The following CLDN16 variants were observed in gnomAD, a reference collection of about 807,000 sequenced individuals.
The protein encoded by CLDN16 is claudin-16.
CLDN16 carries 13 observed loss-of-function variants against 24.6 expected under a neutral mutation model. That is an observed-to-expected ratio of 0.53 (90% confidence interval 0.34 to 0.84). CLDN16 has a LOEUF of 0.84. CLDN16 is among the 40% of genes least tolerant of loss of function. The pLI is 0.01. For missense variants in CLDN16, 298 were observed against 292.7 expected, an observed-to-expected ratio of 1.02 and a Z score of -0.13; for synonymous variants, 116 against 106.7, an observed-to-expected ratio of 1.09 and a Z score of -0.54.
At chr3:190,371,729 GT>G (rs1395396540) in intron 2 of CLDN16, among the ~76,000 whole-genome samples, 1 of 151,986 alleles carries the variant, frequency 6.6e-6, no homozygotes, top group African/African-American at 2.4e-5. Flanking sequence ...TGTTGAAGCA[GT>G]TCATTAATAA....
At chr3:190,290,651 T>G in the CLDN16 span, among the ~76,000 whole-genome samples, 1 of 152,164 alleles carries the variant, frequency 6.6e-6, no homozygotes, top group South Asian at 2.1e-4. Flanking sequence ...TAGCAATGAG[T>G]ATCTTAAAAT....
the CLDN16 span, among the ~76,000 whole-genome samples, chr3:190,294,038 GAA>G: frequency 6.6e-6 from 1 of 152,216 alleles, no homozygotes; most frequent in East Asian, 1.9e-4. Flanking sequence ...AGTTTTGGTT[GAA>G]AAGTCTTGAC....
intron 2 of CLDN16, among the ~76,000 whole-genome samples, chr3:190,403,188 T>C (rs535459789): frequency 6.6e-6 from 1 of 151,948 alleles, no homozygotes; most frequent in Admixed American, 6.6e-5. Context: ...AAAAGTTAGC[T>C]CATCATGGTG....
At chr3:190,406,836 G>T (rs559928002) in intron 3 of CLDN16, among the ~76,000 whole-genome samples, 7 of 150,932 alleles carry the variant, frequency 4.6e-5, no homozygotes, top group African/African-American at 1.5e-4. Flanking sequence ...CCACCTCCTG[G>T]GTTCACGCCA....
intron 1 of CLDN16, among the ~76,000 whole-genome samples, chr3:190,343,098 C>T (rs116536911): frequency 2.9e-4 from 44 of 152,218 alleles, no homozygotes; most frequent in African/African-American, 9.4e-4. Flanking sequence ...ATAAAGATCT[C>T]ATCCAACTCA....
chr3:190,330,589 T>C (rs909052140), intron 1 of CLDN16, among the ~76,000 whole-genome samples: 9 of 152,280 alleles, frequency 5.9e-5, no homozygotes, highest in Middle Eastern at 3.4e-3. Flanking sequence ...ACATATAACT[T>C]ATTTAGAAAA....
chr3:190,311,874 G>C, the CLDN16 span, among the ~76,000 whole-genome samples: 1 of 151,696 alleles, frequency 6.6e-6, no homozygotes, highest in Admixed American at 6.6e-5. Context: ...CATGTTTTCT[G>C]ACTTTGATTT....
upstream of CLDN16, among the ~76,000 whole-genome samples, chr3:190,386,361 G>A (rs1239773889): frequency 6.6e-6 from 1 of 152,128 alleles, no homozygotes; most frequent in Non-Finnish European, 1.5e-5. Context: ...TCGCTAATGT[G>A]TACAGTAATC....
At position 190,404,955 on chromosome 3, in the gene CLDN16, G is replaced by T. The variant is rs374812490; in HGVS notation, c.382+29G>T. 5.6e-6 allele frequency: 9 copies of T among 1,611,362 alleles called. No homozygotes were observed. In the African/African-American group the frequency reaches 1.1e-4, roughly 19 times the overall value. On this transcript the variant is annotated intron_variant, in intron 3 of 4. Transcript: ENST00000264734. The stretch of plus-strand genomic sequence containing the variant: ...CCGGTCTGGCTGGACTAGCAACAGG[G>T]GTAGGGAGACTCTGCTAAGGGCTTG...
At chr3:190,338,673 A>G (rs1317945224) in intron 1 of CLDN16, among the ~76,000 whole-genome samples, 1 of 152,218 alleles carries the variant, frequency 6.6e-6, no homozygotes, top group East Asian at 1.9e-4. Context: ...TGTATTATTG[A>G]CAGCCTTGAG....
chr3:190,370,803 G>A (rs544612178), intron 1 of CLDN16: 21 of 151,846 alleles, frequency 1.4e-4, no homozygotes, highest in Non-Finnish European at 2.4e-4. Context: ...CTAATCAGCT[G>A]CCAGTGTGGC....
chr3:190,377,517 G>A (rs1437572810), intron 3 of CLDN16, among the ~76,000 whole-genome samples: 1 of 151,780 alleles, frequency 6.6e-6, no homozygotes, highest in African/African-American at 2.4e-5. Context: ...ACAAAACAAA[G>A]CAAAACAACT....
At chr3:190,374,188 A>G (rs79848388) in intron 2 of CLDN16, among the ~76,000 whole-genome samples, 327 of 151,894 alleles carry the variant, frequency 2.2e-3, no homozygotes, top group African/African-American at 7.5e-3. Context: ...AGAATCCAGA[A>G]TAGTCTACCA....
chr3:190,374,130 GA>G (rs2108649075), intron 2 of CLDN16, among the ~76,000 whole-genome samples: 1 of 151,980 alleles, frequency 6.6e-6, no homozygotes, highest in Non-Finnish European at 1.5e-5. Context: ...CTCAGTCATA[GA>G]AAGGTTTTGG....
At chr3:190,325,182 A>G (rs1455330419) in intron 1 of CLDN16, among the ~76,000 whole-genome samples, 1 of 152,208 alleles carries the variant, frequency 6.6e-6, no homozygotes, top group African/African-American at 2.4e-5. Flanking sequence ...GGTAACAGAC[A>G]CAGAGAGGTC....
chr3:190,298,659 T>A, the CLDN16 span, among the ~76,000 whole-genome samples: 5 of 152,130 alleles, frequency 3.3e-5, no homozygotes, highest in Non-Finnish European at 7.4e-5. Flanking sequence ...TTCTCCATGT[T>A]TCTCCCGACC....
chr3:190,369,755 C>T (rs1159857585), intron 1 of CLDN16, among the ~76,000 whole-genome samples: 1 of 151,814 alleles, frequency 6.6e-6, no homozygotes, highest in African/African-American at 2.4e-5. Flanking sequence ...TTGTACTTAT[C>T]TTTAGGGAAA....
At chr3:190,312,156 C>G in the CLDN16 span, among the ~76,000 whole-genome samples, 4 of 151,974 alleles carry the variant, frequency 2.6e-5, no homozygotes, top group Non-Finnish European at 4.4e-5. Flanking sequence ...GTCTTGAACT[C>G]ACGACCTCAG....
At chr3:190,290,727 C>T in the CLDN16 span, among the ~76,000 whole-genome samples, 1 of 152,012 alleles carries the variant, frequency 6.6e-6, no homozygotes, top group South Asian at 2.1e-4. Context: ...ATAATTATTA[C>T]AATTCTAATT....
Sources: gnomAD v4.1 joint callset for allele counts (sites outside exome capture counted in the v4.1 genomes callset) on GRCh38, gnomAD v4.1.1 for gene constraint, MANE v1.5 for transcripts, NCBI Gene and HGNC (gene_info 2026-07-23, HGNC 2026-07-21) for gene names.